LARGE1: variants seen among roughly 807,000 people sequenced by gnomAD.
LARGE1 encodes xylosyl- and glucuronyltransferase LARGE1.
In LARGE1, 43 loss-of-function variants were observed where a neutral mutation model predicts 87.6. The observed-to-expected ratio is 0.49, with a 90% CI of 0.38 to 0.63. The LOEUF (loss-of-function observed/expected upper bound fraction) is 0.63. Ranked by LOEUF, LARGE1 falls within the 30% of genes least tolerant of loss-of-function variation. LARGE1 has a pLI of 0.00. For synonymous variants in LARGE1, 434 were observed against 394.6 expected (o/e 1.10, Z -1.18); for missense variants, 802 against 1,000.2 (o/e 0.80, Z 2.67).
At chr22:33,856,687 A>G (rs994084088) in intron 1 of LARGE1, 1 of 152,188 alleles carries the variant, frequency 6.6e-6, no homozygotes, top group Non-Finnish European at 1.5e-5. Flanking sequence ...GCAACTTGGA[A>G]AGGTTTCTGT....
chr22:33,545,295 C>T (rs1390507045), intron 6 of LARGE1, among the ~76,000 whole-genome samples: 2 of 143,716 alleles, frequency 1.4e-5, no homozygotes, highest in South Asian at 4.3e-4. Flanking sequence ...GAGACAGGGT[C>T]TCATTCTGTT....
In LARGE1 at chr22:33,433,906, C is replaced by T. The variant is rs555441649; in HGVS notation, c.788-1641G>A. ...GTGTGTGGGTTTGGGGTAATATATT[C>T]GATCAATTTTATTAAGCTCCTATCT... On this transcript the variant is annotated intron_variant, in intron 6 of 14. Coordinates refer to ENST00000397394, the MANE Select transcript of LARGE1 (RefSeq NM_133642.5). Among the ~76,000 whole-genome samples, 56 of 152,160 alleles carry T rather than the reference C, an allele frequency of 3.7e-4. 1 individual carries two copies. The highest frequency in any genetic ancestry group is 3.4e-3 in the Middle Eastern group (1 of 294).
chr22:33,838,739 C>A (rs2063183050), intron 1 of LARGE1, among the ~76,000 whole-genome samples: 1 of 152,160 alleles, frequency 6.6e-6, no homozygotes, highest in African/African-American at 2.4e-5. Context: ...GTGGGGAGTT[C>A]CAGAGGTTAA....
intron 1 of LARGE1, among the ~76,000 whole-genome samples, chr22:33,900,790 T>C (rs1328925621): frequency 6.6e-6 from 1 of 152,216 alleles, no homozygotes; most frequent in African/African-American, 2.4e-5. Flanking sequence ...CTCACGCCTG[T>C]AATCCCAGCA....
chr22:33,503,665 C>T (rs538178243), intron 6 of LARGE1, among the ~76,000 whole-genome samples: 156 of 150,914 alleles, frequency 1.0e-3, no homozygotes, highest in African/African-American at 3.6e-3. Flanking sequence ...TGGGTGCGGT[C>T]GTGGGTGCCT....
chr22:33,596,847 A>G (rs1047726302), intron 5 of LARGE1, among the ~76,000 whole-genome samples: 6 of 152,234 alleles, frequency 3.9e-5, no homozygotes, highest in Non-Finnish European at 7.3e-5. Context: ...TTTAACTGCA[A>G]TCAATCTTCA....
chr22:33,326,877 T>A (rs1937289596), intron 10 of LARGE1, among the ~76,000 whole-genome samples: 1 of 152,170 alleles, frequency 6.6e-6, no homozygotes, highest in Non-Finnish European at 1.5e-5. Flanking sequence ...GGCCCAGACT[T>A]GTATCCACTG....
At chr22:33,666,753 C>T (rs942613023) in intron 2 of LARGE1, among the ~76,000 whole-genome samples, 4 of 152,170 alleles carry the variant, frequency 2.6e-5, no homozygotes, top group Admixed American at 2.0e-4. Context: ...TTCACAGTTT[C>T]TCTACTGATG....
intron 9 of LARGE1, among the ~76,000 whole-genome samples, chr22:33,358,459 C>G (rs1569090851): frequency 6.6e-6 from 1 of 152,146 alleles, no homozygotes; most frequent in Non-Finnish European, 1.5e-5. Flanking sequence ...CATCTTCCCC[C>G]AAAGATGTAG....
At position 33,678,526 on chromosome 22, in the gene LARGE1, A is replaced by G. The variant is rs185761965; in HGVS notation, c.107-27858T>C. On this transcript the variant is annotated intron_variant, in intron 2 of 14. Coordinates refer to ENST00000397394, the MANE Select transcript of LARGE1 (RefSeq NM_133642.5). ...AAGTGCACTAGGAAGATGCTAGAAT[A>G]GGAAGCCTCATTATTGTCTTTAATT... 1.9e-3 allele frequency among the ~76,000 whole-genome samples: 289 copies of G among 152,338 alleles called. 2 individuals carry two copies. The highest frequency in any genetic ancestry group is 1.8e-4 in the Non-Finnish European group (12 of 68,038).
intron 9 of LARGE1, among the ~76,000 whole-genome samples, chr22:33,375,732 T>C (rs1282919257): frequency 6.6e-6 from 1 of 152,098 alleles, no homozygotes; most frequent in Non-Finnish European, 1.5e-5. Context: ...GAAATTTTTA[T>C]TTTTATTTAT....
At chr22:33,822,767 T>C (rs1400748499) in intron 1 of LARGE1, among the ~76,000 whole-genome samples, 1 of 152,166 alleles carries the variant, frequency 6.6e-6, no homozygotes, top group Non-Finnish European at 1.5e-5. Context: ...GGGGAAGTCG[T>C]TAAGGCTATC....
chr22:33,858,361 C>A (rs1030690413), intron 1 of LARGE1, among the ~76,000 whole-genome samples: 1 of 152,102 alleles, frequency 6.6e-6, no homozygotes, highest in Non-Finnish European at 1.5e-5. Flanking sequence ...GAAGAGAGTG[C>A]GGTTGCAAGA....
At chr22:33,418,782 G>A (rs988048950) in intron 7 of LARGE1, among the ~76,000 whole-genome samples, 13 of 152,138 alleles carry the variant, frequency 8.5e-5, no homozygotes, top group African/African-American at 1.2e-4. Context: ...AGCCCAGGCC[G>A]GCTCCCATCC....
chr22:33,459,739 A>G (rs2068295466), intron 6 of LARGE1, among the ~76,000 whole-genome samples: 2 of 151,622 alleles, frequency 1.3e-5, no homozygotes, highest in Admixed American at 6.6e-5. Flanking sequence ...CACCCCCAAT[A>G]GCACCCAAAA....
chr22:33,299,967 CTGTT>C (rs1185859056), intron 12 of LARGE1, among the ~76,000 whole-genome samples: 6 of 152,224 alleles, frequency 3.9e-5, no homozygotes, highest in African/African-American at 1.4e-4. Flanking sequence ...TCCAATTGAT[CTGTT>C]TGTTTTGGCT....
chr22:33,603,073 T>C (rs1330834941), intron 5 of LARGE1, among the ~76,000 whole-genome samples: 1 of 194 alleles, frequency 5.2e-3, no homozygotes, highest in East Asian at 0.1. Context: ...TAATCAATTT[T>C]AGGCTCAGAA....
At chr22:33,506,594 C>A (rs2070777997) in intron 6 of LARGE1, among the ~76,000 whole-genome samples, 1 of 152,184 alleles carries the variant, frequency 6.6e-6, no homozygotes, top group Non-Finnish European at 1.5e-5. Flanking sequence ...AGGCTGCCCA[C>A]CTCTTCTTAA....
chr22:33,387,729 C>A (rs113302318), intron 7 of LARGE1, among the ~76,000 whole-genome samples: 7 of 152,308 alleles, frequency 4.6e-5, no homozygotes, highest in South Asian at 2.1e-4. Context: ...TGACTAAATG[C>A]AGAGATGCAG....
Sources: gnomAD v4.1 joint callset for allele counts (sites outside exome capture counted in the v4.1 genomes callset) on GRCh38, gnomAD v4.1.1 for gene constraint, MANE v1.5 for transcripts, NCBI Gene and HGNC (gene_info 2026-07-23, HGNC 2026-07-21) for gene names.